The following SDK1 variants were observed in gnomAD, a reference collection of about 807,000 sequenced individuals.
SDK1 encodes protein sidekick-1.
Under a neutral mutation model 245.5 loss-of-function variants are expected in SDK1, and 157 were observed. That is an observed-to-expected ratio of 0.64 (90% CI 0.56 to 0.73). The LOEUF (loss-of-function observed/expected upper bound fraction) is 0.73. SDK1 is among the 30% of genes least tolerant of loss of function. SDK1 has a pLI of 0.00. For synonymous variants in SDK1, 1,647 were observed against 1,278.5 expected (o/e 1.29, Z -6.15); for missense variants, 3,583 against 3,002.3 (o/e 1.19, Z -4.52).
intron 1 of SDK1, among the ~76,000 whole-genome samples, chr7:3,529,705 G>C (rs1209969931): frequency 6.6e-6 from 1 of 152,112 alleles, no homozygotes; most frequent in Admixed American, 6.5e-5. Context: ...GATGTTTGAT[G>C]AGAAACAGAA....
intron 4 of SDK1, among the ~76,000 whole-genome samples, chr7:3,647,243 CCTCT>C (rs963539433): frequency 2.0e-5 from 3 of 151,918 alleles, no homozygotes; most frequent in Admixed American, 6.6e-5. Flanking sequence ...AAAGTGAGAC[CCTCT>C]CTCTATTTTT....
chr7:4,229,030 A>C (rs745656378), intron 40 of SDK1, among the ~76,000 whole-genome samples: 9 of 152,202 alleles, frequency 5.9e-5, no homozygotes, highest in Non-Finnish European at 7.3e-5. Context: ...AAATCCAGGC[A>C]CTGGGGACTG....
At chr7:3,700,794 GTTCT>G (rs1215572942) in intron 4 of SDK1, among the ~76,000 whole-genome samples, 1 of 152,114 alleles carries the variant, frequency 6.6e-6, no homozygotes, top group African/African-American at 2.4e-5. Flanking sequence ...TGCACTTTTT[GTTCT>G]TTCTTCTTTC....
In SDK1 at chr7:4,265,665, C is replaced by T. The variant is rs1788422897; in HGVS notation, c.*281C>T. ...GTGCAATGGCTTGGCACCTCCGGGG[C>T]CTGGGAGGACCTCAGACCTCCCCAG... On this transcript the variant is annotated 3_prime_UTR_variant, in exon 45 of 45. Coordinates refer to ENST00000404826, the MANE Select transcript of SDK1 (RefSeq NM_152744.4). 2.5e-6 allele frequency: 3 copies of T among 1,212,588 alleles called. No homozygotes were observed. The highest frequency in any genetic ancestry group is 2.0e-6 in the Non-Finnish European group (2 of 978,110). 75.1% of individuals were successfully genotyped at this position (1,212,588 alleles called of 1,614,324 possible).
At chr7:4,145,458 C>T (rs185345237) in intron 28 of SDK1, among the ~76,000 whole-genome samples, 5 of 152,212 alleles carry the variant, frequency 3.3e-5, no homozygotes, top group Admixed American at 2.0e-4. Flanking sequence ...GCCTCGTGCC[C>T]GCATCCTAAG....
At chr7:3,435,116 A>G (rs1232250734) in intron 1 of SDK1, among the ~76,000 whole-genome samples, 1 of 152,052 alleles carries the variant, frequency 6.6e-6, no homozygotes, top group African/African-American at 2.4e-5. Context: ...AATAAATTAA[A>G]GATTTCTTAG....
intron 4 of SDK1, among the ~76,000 whole-genome samples, chr7:3,706,514 G>T (rs910978655): frequency 6.6e-6 from 1 of 152,080 alleles, no homozygotes; most frequent in African/African-American, 2.4e-5. Context: ...CCATTCTCCT[G>T]CCTCGGCCTC....
intron 1 of SDK1, among the ~76,000 whole-genome samples, chr7:3,351,888 C>G (rs1780669728): frequency 1.3e-5 from 2 of 151,800 alleles, no homozygotes; most frequent in South Asian, 4.1e-4. Context: ...CAAATCTGAC[C>G]TCATGGACAT....
chr7:3,573,858 A>G (rs1357538037), intron 1 of SDK1, among the ~76,000 whole-genome samples: 1 of 151,956 alleles, frequency 6.6e-6, no homozygotes, highest in East Asian at 1.9e-4. Flanking sequence ...TCCAGTACTC[A>G]TTAAAAAATA....
intron 1 of SDK1, among the ~76,000 whole-genome samples, chr7:3,583,492 A>C (rs1166710125): frequency 6.6e-6 from 1 of 152,228 alleles, no homozygotes; most frequent in East Asian, 1.9e-4. Context: ...ATTGGAATCC[A>C]CATCTGTATT....
At chr7:3,365,161 G>GGA (rs1781057038) in intron 1 of SDK1, among the ~76,000 whole-genome samples, 2 of 152,300 alleles carry the variant, frequency 1.3e-5, no homozygotes, top group South Asian at 4.1e-4. Context: ...CATTGAACAT[G>GGA]GAGAGGGCAA....
chr7:3,729,889 T>A (rs1022582928), intron 4 of SDK1, among the ~76,000 whole-genome samples: 2 of 152,082 alleles, frequency 1.3e-5, no homozygotes, highest in Non-Finnish European at 2.9e-5. Flanking sequence ...AAATGTGTGA[T>A]GATGCTAACA....
intron 5 of SDK1, among the ~76,000 whole-genome samples, chr7:3,824,513 G>T (rs758831713): frequency 1.3e-5 from 2 of 152,128 alleles, no homozygotes; most frequent in African/African-American, 4.8e-5. Flanking sequence ...ATGCAGCCCC[G>T]CCTCTTGTTT....
intron 25 of SDK1, among the ~76,000 whole-genome samples, chr7:4,127,141 C>T (rs1156843632): frequency 6.6e-6 from 1 of 152,010 alleles, no homozygotes; most frequent in Non-Finnish European, 1.5e-5. Context: ...TCTTTTTTTT[C>T]TTGCTTGGTG....
rs373555281 is a variant in SDK1, at chr7:3,952,112, G to A, written c.1150+192G>A. The stretch of plus-strand genomic sequence containing the variant: ...AATATAAGTCCATTAAATCCAAAGT[G>A]TTGATGTTCTCAATCCTTCCAAGAA... On this transcript the variant is annotated intron_variant, in intron 7 of 44. Coordinates refer to ENST00000404826, the MANE Select transcript of SDK1 (RefSeq NM_152744.4). 483 of 592,954 alleles carry A rather than the reference G, an allele frequency of 8.1e-4. 5 individuals carry two copies. The South Asian group carries it at 9.9e-3, about 12-fold the overall frequency. The allele number at this position is 592,954 out of a possible 1,614,324, so 36.7% of individuals were successfully genotyped here.
intron 1 of SDK1, among the ~76,000 whole-genome samples, chr7:3,403,859 ATATATATATAAT>A (rs1212336413): frequency 5.7e-4 from 59 of 104,106 alleles, no homozygotes; most frequent in African/African-American, 2.5e-3. Context: ...ATATATATAT[ATATATATATAAT>A]ATATATATTT....
intron 4 of SDK1, among the ~76,000 whole-genome samples, chr7:3,787,355 T>C (rs1462694295): frequency 6.6e-6 from 1 of 151,974 alleles, no homozygotes; most frequent in Non-Finnish European, 1.5e-5. Context: ...AGAAAATAGT[T>C]ACTTCATTTG....
At chr7:4,211,831 G>T (rs578113087) in intron 38 of SDK1, among the ~76,000 whole-genome samples, 1 of 152,068 alleles carries the variant, frequency 6.6e-6, no homozygotes, top group East Asian at 1.9e-4. Flanking sequence ...GGATGGTCTC[G>T]ATCTCCTAAC....
At chr7:4,031,912 A>C (rs1787847017) in intron 17 of SDK1, among the ~76,000 whole-genome samples, 1 of 151,930 alleles carries the variant, frequency 6.6e-6, no homozygotes, top group Admixed American at 6.6e-5. Context: ...CTATAATCCC[A>C]GCTACTCAGG....
Sources: allele counts gnomAD v4.1 joint callset (sites outside exome capture counted in the v4.1 genomes callset), GRCh38; gene constraint gnomAD v4.1.1; transcripts MANE v1.5; gene names NCBI Gene and HGNC (gene_info 2026-07-23, HGNC 2026-07-21).